FOSL2: variants seen among roughly 807,000 people sequenced by gnomAD.
The protein encoded by FOSL2 is fos-related antigen 2.
A neutral mutation model predicts 27.7 loss-of-function variants in FOSL2; 3 were observed. The observed-to-expected ratio is 0.11, with a 90% CI of 0.05 to 0.28. FOSL2 has a LOEUF of 0.28. Among genes scored for constraint, FOSL2 ranks in the 10% least tolerant of loss-of-function variants. FOSL2 has a pLI of 1.00. For synonymous variants in FOSL2, 179 were observed against 190.1 expected, an observed-to-expected ratio of 0.94 and a Z score of 0.48; for missense variants, 333 against 445.1, an observed-to-expected ratio of 0.75 and a Z score of 2.27.
intron 1 of FOSL2, chr2:28,395,552 C>G (rs1480466563): frequency 6.6e-6 from 1 of 152,252 alleles, no homozygotes; most frequent in Non-Finnish European, 1.5e-5. Flanking sequence ...GGAAGAAAAT[C>G]AGACAGGAAA....
chr2:28,412,068 C>T lies in FOSL2; in HGVS notation c.601C>T (p.Pro201Ser), dbSNP rs1308604850. Residue 201 changes from proline to serine, a missense_variant, in exon 4 of 4, where the codon CCC (proline) becomes TCC (serine). This residue lies in a region of FOSL2 where 136 missense variants were observed against 123.7 expected (regional missense o/e 1.10). Transcript: ENST00000264716. This position sits in a 1 kb window ranked among gnomAD's most constrained non-coding sequence, Gnocchi z 7.1. ...CKISPEERRSPPAPGLQPMRS... is the reference protein window; with the variant it reads ...CKISPEERRSSPAPGLQPMRS... ...GATTAGCCCCGAGGAGCGCCGATCG[C>T]CCCCAGCCCCTGGGCTGCAGCCCAT... 4 of 1,607,338 alleles carry T rather than the reference C, an allele frequency of 2.5e-6. No homozygotes were observed. The highest frequency in any genetic ancestry group is 3.4e-6 in the Non-Finnish European group (4 of 1,179,890).
In FOSL2 at chr2:28,393,457, A is replaced by C. The variant is rs1242587292; in HGVS notation, c.-264A>C. 7 of 428,192 alleles carry C rather than the reference A, an allele frequency of 1.6e-5. No individual in the cohort carries two copies. In the East Asian group the frequency reaches 3.2e-4, roughly 20 times the overall value. The allele number at this position is 428,192 out of a possible 1,614,324, so 26.5% of individuals were successfully genotyped here. ...ACCGAGAGACGCGCCGACTTTTTAG[A>C]GGGAGGGATCGGGTGGACAACTGGT... On this transcript the variant is annotated 5_prime_UTR_variant, in exon 1 of 4. Coordinates refer to ENST00000264716, the MANE Select transcript of FOSL2 (RefSeq NM_005253.4). This position sits in a 1 kb window ranked among gnomAD's most constrained non-coding sequence, Gnocchi z 4.6.
chr2:28,403,018 G>GTT (rs374767523), intron 1 of FOSL2, among the ~76,000 whole-genome samples: 144 of 152,302 alleles, frequency 9.5e-4, no homozygotes, highest in African/African-American at 3.4e-3. Context: ...ATCTCACCCA[G>GTT]TTTTTAAGTG....
rs542379117 is a variant in FOSL2, at chr2:28,399,348, A to G, written c.103-4759A>G. 2.6e-5 allele frequency among the ~76,000 whole-genome samples: 4 copies of G among 152,292 alleles called. No individual in the cohort carries two copies. The South Asian group carries it at 8.3e-4, about 32-fold the overall frequency. On this transcript the variant is annotated intron_variant, in intron 1 of 3. Transcript: ENST00000264716. Reference sequence around the variant, plus strand: ...CTAGTTCCAATACCTGTCAGCAAAAAGCCATGGGTTCATAGCTGAAGCCAA... The same window carrying G: ...CTAGTTCCAATACCTGTCAGCAAAAGGCCATGGGTTCATAGCTGAAGCCAA...
At chr2:28,406,846 G>A (rs557591907) in intron 2 of FOSL2, among the ~76,000 whole-genome samples, 4 of 152,334 alleles carry the variant, frequency 2.6e-5, no homozygotes, top group South Asian at 4.1e-4. Context: ...GCCTGCCTCC[G>A]GAGCCGGCCT....
chr2:28,406,451 C>A (rs914158476), intron 2 of FOSL2, among the ~76,000 whole-genome samples: 1 of 152,146 alleles, frequency 6.6e-6, no homozygotes, highest in Non-Finnish European at 1.5e-5. Flanking sequence ...TCTCATTTTC[C>A]CTTTATACCC....
At chr2:28,394,290 T>C (rs1663759826) in intron 1 of FOSL2, among the ~76,000 whole-genome samples, 1 of 152,098 alleles carries the variant, frequency 6.6e-6, no homozygotes. Context: ...CAGTCATAAC[T>C]CCTTTCTGAA....
chr2:28,396,815 C>CACACACACACACACACACACACAA (rs1558564655), intron 1 of FOSL2: 22 of 151,744 alleles, frequency 1.4e-4, no homozygotes, highest in African/African-American at 5.1e-4. Flanking sequence ...CACACACACA[C>CACACACACACACACACACACACAA]ACACACACAC....
intron 1 of FOSL2, among the ~76,000 whole-genome samples, chr2:28,399,530 G>T (rs1249860631): frequency 6.6e-6 from 1 of 152,120 alleles, no homozygotes; most frequent in African/African-American, 2.4e-5. Context: ...TCCTTCCCAA[G>T]CAGCCCGGTG....
Position 28,403,099 on chromosome 2 carries a change from C to G in FOSL2, c.103-1008C>G, listed in dbSNP as rs1664007706. On this transcript the variant is annotated intron_variant, in intron 1 of 3. Transcript: ENST00000264716. ...CTGAAGATGAAGGTTCACCTGGGTTCCATTAGGGGGACTTGCCTCTGAAAA... is the reference window on the plus strand; with the variant it reads ...CTGAAGATGAAGGTTCACCTGGGTTGCATTAGGGGGACTTGCCTCTGAAAA... 2.0e-5 allele frequency among the ~76,000 whole-genome samples: 3 copies of G among 152,118 alleles called. 1 individual carries two copies. The highest frequency in any genetic ancestry group is 1.3e-4 in the Admixed American group (2 of 15,278).
At chr2:28,410,339 A>C (rs1418523329) in intron 3 of FOSL2, 1 of 154,160 alleles carries the variant, frequency 6.5e-6, no homozygotes, top group Non-Finnish European at 1.4e-5. Context: ...CCCGCCCCGG[A>C]ATAGCCCTGC....
At chr2:28,396,302 A>C (rs1663833991) in intron 1 of FOSL2, among the ~76,000 whole-genome samples, 1 of 152,098 alleles carries the variant, frequency 6.6e-6, no homozygotes, top group Non-Finnish European at 1.5e-5. Flanking sequence ...TGGGGGGAGC[A>C]GACTAGTCTT....
rs1310092086 is a variant in FOSL2, at chr2:28,392,943, AGG to A, written c.-776_-775del. 4 of 699,840 alleles carry A rather than the reference AGG, an allele frequency of 5.7e-6. No homozygotes were observed. Among genetic ancestry groups the A allele is most frequent in the Admixed American group, 2.0e-5 (1 of 49,394 alleles). The allele number at this position is 699,840 out of a possible 1,614,324, so 43.4% of individuals were successfully genotyped here. A position where few individuals can be genotyped will look rare whatever the true frequency, so the allele number is the denominator to read the frequency against. ...AGCGGCGCTCGGCGGGGACAGAAAGAGGGAGAGAGAGAGAGAGAGAGAGGGAG... is the reference window on the plus strand; with the variant it reads ...AGCGGCGCTCGGCGGGGACAGAAAGAGAGAGAGAGAGAGAGAGAGAGGGAG... On this transcript the variant is annotated 5_prime_UTR_variant, in exon 1 of 4. Transcript: ENST00000264716.
At chr2:28,401,225 C>A (rs1663964959) in intron 1 of FOSL2, among the ~76,000 whole-genome samples, 1 of 139,070 alleles carries the variant, frequency 7.2e-6, no homozygotes, top group South Asian at 2.6e-4. Context: ...ACAACAGACT[C>A]TCCTTGGGGG....
In FOSL2 at chr2:28,413,145, T is replaced by C. The variant is rs1382722340; in HGVS notation, c.*697T>C. 1 of 203,542 alleles carries C rather than the reference T, an allele frequency of 4.9e-6. No individual in the cohort carries two copies. The allele number at this position is 203,542 out of a possible 1,614,324, so 12.6% of individuals were successfully genotyped here. ...ATCACTGGGAGGCTCAGAGGACCCT[T>C]CCTGCCCACCTTCGGAGACGGCTTC... On this transcript the variant is annotated 3_prime_UTR_variant, in exon 4 of 4. Transcript: ENST00000264716.
intron 3 of FOSL2, chr2:28,410,433 T>G: frequency 6.7e-6 from 1 of 148,882 alleles, no homozygotes; most frequent in Non-Finnish European, 1.2e-5. Context: ...CCCCGCCCTC[T>G]GACCCAGCCA....
intron 1 of FOSL2, among the ~76,000 whole-genome samples, chr2:28,403,293 C>T (rs893577371): frequency 6.6e-6 from 1 of 152,172 alleles, no homozygotes; most frequent in African/African-American, 2.4e-5. Flanking sequence ...TTCCAGAGAG[C>T]TCTGCAACGT....
intron 2 of FOSL2, among the ~76,000 whole-genome samples, chr2:28,405,717 G>A (rs552589622): frequency 6.6e-4 from 89 of 133,864 alleles, no homozygotes; most frequent in South Asian, 1.3e-3. Context: ...GAACCACGGT[G>A]CAGAGCCACT....
intron 1 of FOSL2, among the ~76,000 whole-genome samples, chr2:28,394,278 A>G (rs1663759307): frequency 1.3e-5 from 2 of 151,854 alleles, no homozygotes; most frequent in South Asian, 4.1e-4. Flanking sequence ...CCCGTTCTCC[A>G]TCAGTCATAA....
Sources: gnomAD v4.1 joint callset for allele counts (sites outside exome capture counted in the v4.1 genomes callset) on GRCh38, gnomAD v4.1.1 for gene constraint, gnomAD v4.1.1 regional missense constraint, Gnocchi (gnomAD v3.1) non-coding constraint, MANE v1.5 for transcripts, NCBI Gene and HGNC (gene_info 2026-07-23, HGNC 2026-07-21) for gene names.